INF2: variants seen among roughly 807,000 people sequenced by gnomAD.
The protein encoded by INF2 is inverted formin 2, also known as inverted formin-2.
INF2 carries 43 observed loss-of-function variants against 123.5 expected under a neutral mutation model. The ratio of observed to expected loss-of-function variants is 0.35; its 90% CI spans 0.27 to 0.45. The LOEUF (loss-of-function observed/expected upper bound fraction) is 0.45, where lower values mean the gene tolerates loss of function less well. Among genes scored for constraint, INF2 ranks in the 20% least tolerant of loss-of-function variants. The pLI is 1.00. For synonymous variants in INF2, 851 were observed against 745.0 expected (o/e 1.14, Z -2.32); for missense variants, 1,453 against 1,682.7 (o/e 0.86, Z 2.39).
intron 1 of INF2, chr14:104,691,251 A>G (rs1566772146): frequency 6.6e-6 from 1 of 152,280 alleles, no homozygotes. Context: ...ATCAAAGTGC[A>G]GTTACTTCCT....
chr14:104,682,701 C>T (rs1888554449), intron 1 of INF2, among the ~76,000 whole-genome samples: 1 of 152,144 alleles, frequency 6.6e-6, no homozygotes, highest in Non-Finnish European at 1.5e-5. Flanking sequence ...CTAGGAGGTT[C>T]TGTAAGAACT....
intron 6 of INF2, among the ~76,000 whole-genome samples, chr14:104,706,456 G>A (rs552964967): frequency 7.2e-5 from 11 of 152,312 alleles, no homozygotes; most frequent in African/African-American, 2.4e-4. Flanking sequence ...AGACCAGTGC[G>A]GCCCACAGCC....
chr14:104,706,331 A>G (rs1428219392), intron 6 of INF2, among the ~76,000 whole-genome samples, 155 bp downstream of exon 6: 1 of 152,184 alleles, frequency 6.6e-6, no homozygotes, highest in Non-Finnish European at 1.5e-5. Context: ...TCCAGGGAGC[A>G]GCAAGGACCC....
rs1888607345 is a variant in INF2 at position 104,684,273 on chromosome 14, G to A, written c.-104+2691G>A. On this transcript the variant is annotated intron_variant, in intron 1 of 2. Transcript: ENST00000674723. The surrounding 1 kb of genome is among the most constrained non-coding windows in gnomAD (Gnocchi z 5.0). The stretch of plus-strand genomic sequence containing the variant: ...GGGCTCACTGGAGGTCAGCAGGGAG[G>A]TGGACTGCGTCTCCCGAGGGCCAGC... The A allele has an allele frequency of 2.6e-6, 1 of 389,888 alleles. No individual in the cohort carries two copies. Among genetic ancestry groups the A allele is most frequent in the Admixed American group, 2.9e-5 (1 of 34,950 alleles). The allele number at this position is 389,888 out of a possible 1,614,324, so 24.2% of individuals were successfully genotyped here.
chr14:104,714,091 TG>T, intron 20 of INF2, 111 bp from the exon 21 acceptor site: 1 of 941,472 alleles, frequency 1.1e-6, no homozygotes, highest in Non-Finnish European at 1.5e-6. Flanking sequence ...GGAGGCTTTC[TG>T]GGGAGGAGGT....
At chr14:104,696,055 A>G (rs909882096) in intron 1 of INF2, among the ~76,000 whole-genome samples, 1 of 152,026 alleles carries the variant, frequency 6.6e-6, no homozygotes, top group African/African-American at 2.4e-5. Flanking sequence ...TCCCGGTGGT[A>G]TCGCACCCAC....
upstream of INF2, among the ~76,000 whole-genome samples, chr14:104,685,352 T>C (rs1888629226): frequency 6.6e-6 from 1 of 151,940 alleles, no homozygotes; most frequent in African/African-American, 2.4e-5. Flanking sequence ...GAGTTTGAAC[T>C]GAGAAATGCA....
At position 104,683,257 on chromosome 14, in the gene INF2, C is replaced by T. The variant is rs1054527047; in HGVS notation, c.-104+1675C>T. Among the ~76,000 whole-genome samples, 3 of 152,244 alleles carry T rather than the reference C, an allele frequency of 2.0e-5. No individual in the cohort carries two copies. The East Asian group carries it at 5.8e-4, about 29-fold the overall frequency. ...AGACTGGTTTGTAGAGTGACCCCTCCGTGGCTTCCTGGTGACCCTTCCAGA... is the reference window on the plus strand; with the variant it reads ...AGACTGGTTTGTAGAGTGACCCCTCTGTGGCTTCCTGGTGACCCTTCCAGA... On this transcript the variant is annotated intron_variant, in intron 1 of 2. Transcript: ENST00000674723.
chr14:104,683,938 G>C (rs763720653), intron 1 of INF2: 4 of 420,220 alleles, frequency 9.5e-6, no homozygotes, highest in Non-Finnish European at 1.9e-5. Flanking sequence ...TTGGGGTGCG[G>C]GTGGGTCTCA....
intron 17 of INF2, 89 bp downstream of exon 17, chr14:104,712,642 G>C (rs1890107347): frequency 6.3e-7 from 1 of 1,588,992 alleles, no homozygotes; most frequent in South Asian, 1.1e-5. Context: ...CCTGGCTCCA[G>C]GGTGGATCCT....
chr14:104,694,167 G>C (rs1185251724), intron 1 of INF2, among the ~76,000 whole-genome samples: 1 of 152,254 alleles, frequency 6.6e-6, no homozygotes, highest in Non-Finnish European at 1.5e-5. Context: ...CCGGACCCAG[G>C]AGGGGCCACA....
Position 104,707,633 on chromosome 14 carries a change from ACAG to A in INF2, c.1369_1371del (p.Ala457del), listed in dbSNP as rs1889846386. ...CAGTGTGGGGGCTAAGGCCCTCCCA[ACAG>A]CACCCCCGCCCCCACCCCTGCCAGG... On this transcript the variant is annotated inframe_deletion, in exon 8 of 23. Transcript: ENST00000392634. 2 of 682,092 alleles carry A rather than the reference ACAG, an allele frequency of 2.9e-6. No homozygotes were observed. Among genetic ancestry groups the A allele is most frequent in the South Asian group, 3.1e-5 (2 of 64,410 alleles). The allele number at this position is 682,092 out of a possible 1,614,324, so 42.3% of individuals were successfully genotyped here.
intron 5 of INF2, 52 bp downstream of exon 5, chr14:104,704,001 C>T: frequency 6.2e-7 from 1 of 1,604,478 alleles, no homozygotes; most frequent in Non-Finnish European, 8.5e-7. Flanking sequence ...CTCCCAAGGC[C>T]AGGCCCACCT....
chr14:104,693,955 G>A (rs1253976005), intron 1 of INF2, among the ~76,000 whole-genome samples: 1 of 152,224 alleles, frequency 6.6e-6, no homozygotes, highest in Non-Finnish European at 1.5e-5. Flanking sequence ...GTAGCCACCT[G>A]TCCCCACCTG....
chr14:104,711,087 C>T lies in INF2; in HGVS notation c.2319C>T (p.His773=), dbSNP rs995574015. Residue 773 remains histidine, a synonymous_variant, in exon 15 of 23, where the codon CAC becomes CAT. Coordinates refer to ENST00000392634, the MANE Select transcript of INF2 (RefSeq NM_022489.4). ...CTCCCTGCCCCTCCCAGGGCAGCCA[C>T]ACCGGTGACGCCGACGGCTTCAAGA... ...RIGNFLNYGS[H]TGDADGFKIS... The T allele has an allele frequency of 1.2e-6, 2 of 1,600,204 alleles. No individual in the cohort carries two copies. The highest frequency in any genetic ancestry group is 1.3e-5 in the African/African-American group (1 of 74,324).
Position 104,709,317 on chromosome 14 carries a change from A to C in INF2, c.1986A>C (p.Gly662=). 6.2e-7 allele frequency: 1 copy of C among 1,613,112 alleles called. No individual in the cohort carries two copies. The highest frequency in any genetic ancestry group is 1.1e-5 in the South Asian group (1 of 91,076). Residue 662 remains glycine, a synonymous_variant, in exon 11 of 23, where the codon GGA becomes GGC. Transcript: ENST00000392634. The part of the protein sequence containing the change: ...NEEVAAMIRA[G]DTTKFDVEVL... ...AGGTCGCTGCTATGATCCGGGCTGG[A>C]GATACCACCAAGTTTGATGTGGAGG...
rs538552210 is a variant in INF2, at chr14:104,699,367, G to A, written c.-9-1990G>A. 1 of 984,548 alleles carries A rather than the reference G, an allele frequency of 1.0e-6. No individual in the cohort carries two copies. The highest frequency in any genetic ancestry group is 4.7e-5 in the South Asian group (1 of 21,262). 61.0% of individuals were successfully genotyped at this position (984,548 alleles called of 1,614,324 possible). A position where few individuals can be genotyped will look rare whatever the true frequency, so the allele number is the denominator to read the frequency against. On this transcript the variant is annotated intron_variant, in intron 1 of 22. Transcript: ENST00000392634. This position sits in a 1 kb window ranked among gnomAD's most constrained non-coding sequence, Gnocchi z 4.7. ...GGCCTCTTTAGGCAGCAACAGCCAA[G>A]GCGGGTGGGAATATATGCAGAGGCC...
At chr14:104,717,330 A>G (rs1238949488) in intron 22 of INF2, among the ~76,000 whole-genome samples, 1 of 97,612 alleles carries the variant, frequency 1.0e-5, no homozygotes, top group Non-Finnish European at 2.0e-5. Flanking sequence ...CCGTCCTCCT[A>G]GTCCGCCCCC....
intron 21 of INF2, 100 bp downstream of exon 21, chr14:104,714,956 C>T: frequency 7.7e-7 from 1 of 1,295,286 alleles, no homozygotes; most frequent in East Asian, 2.5e-5. Flanking sequence ...TCCAGCGGCA[C>T]CCAGGAGAGG....
Sources: gnomAD v4.1 joint callset for allele counts (sites outside exome capture counted in the v4.1 genomes callset) on GRCh38, gnomAD v4.1.1 for gene constraint, Gnocchi (gnomAD v3.1) non-coding constraint, MANE v1.5 for transcripts, NCBI Gene and HGNC (gene_info 2026-07-23, HGNC 2026-07-21) for gene names.